The following ARSB variants were observed in gnomAD, a reference collection of about 807,000 sequenced individuals.
ARSB encodes N-acetylgalactosamine-4-sulfatase.
A neutral mutation model predicts 50.9 loss-of-function variants in ARSB; 41 were observed. The observed-to-expected ratio is 0.81, with a 90% CI of 0.63 to 1.04. The LOEUF (loss-of-function observed/expected upper bound fraction) is 1.04, where lower values mean the gene tolerates loss of function less well. Among genes scored for constraint, ARSB ranks in the 50% least tolerant of loss-of-function variants. The pLI is 0.00. For synonymous variants in ARSB, 269 were observed against 284.8 expected (o/e 0.94, Z 0.56); for missense variants, 672 against 693.3 (o/e 0.97, Z 0.35).
chr5:78,944,270 T>C (rs1343500628), intron 4 of ARSB, among the ~76,000 whole-genome samples: 2 of 152,252 alleles, frequency 1.3e-5, no homozygotes, highest in Non-Finnish European at 2.9e-5. Flanking sequence ...AGCCTTCTTC[T>C]CTCAACTCAT....
Position 78,969,909 on chromosome 5 carries a change from G to A in ARSB, c.313-717C>T, listed in dbSNP as rs545951774. ...GTTGGGATTACAGGCTTAAGCCACC[G>A]TGCCTGGCTGAGTTATTTAACAGTA... On this transcript the variant is annotated intron_variant, in intron 1 of 7. Transcript: ENST00000264914. 6.6e-5 allele frequency among the ~76,000 whole-genome samples: 10 copies of A among 152,284 alleles called. No homozygotes were observed. The South Asian group carries it at 1.0e-3, about 16-fold the overall frequency.
At position 78,919,556 on chromosome 5, in the gene ARSB, G is replaced by T. The variant is rs901738737; in HGVS notation, c.899-33729C>A. Among the ~76,000 whole-genome samples, 9 of 152,146 alleles carry T rather than the reference G, an allele frequency of 5.9e-5. No individual in the cohort carries two copies. In the South Asian group the frequency reaches 1.7e-3, roughly 28 times the overall value. ...CACCCAGGCTGGAGTGCAGTGGCAC[G>T]ATCTTGGCTCATTGCAACCTCCGCC... On this transcript the variant is annotated intron_variant, in intron 4 of 7. Transcript: ENST00000264914.
chr5:78,921,345 GTATAAAA>G (rs1749804611), intron 4 of ARSB, among the ~76,000 whole-genome samples: 1 of 152,020 alleles, frequency 6.6e-6, no homozygotes, highest in African/African-American at 2.4e-5. Flanking sequence ...TGTTCTGTAA[GTATAAAA>G]TACACAACAG....
intron 5 of ARSB, chr5:78,883,168 A>T (rs77259262): frequency 9.2e-5 from 14 of 152,224 alleles, no homozygotes; most frequent in Admixed American, 9.2e-4. Flanking sequence ...TAAATTTAAC[A>T]TATCAAGTTT....
At chr5:78,942,407 C>G (rs1030751134) in intron 4 of ARSB, among the ~76,000 whole-genome samples, 7 of 152,082 alleles carry the variant, frequency 4.6e-5, no homozygotes, top group Non-Finnish European at 7.3e-5. Flanking sequence ...CCTGCTTTCT[C>G]TCGTGGGCAT....
intron 4 of ARSB, among the ~76,000 whole-genome samples, chr5:78,943,914 C>T (rs552565454): frequency 2.6e-5 from 4 of 152,226 alleles, no homozygotes; most frequent in Non-Finnish European, 4.4e-5. Context: ...TTCAGGTACA[C>T]CAATCAGATG....
chr5:78,891,921 A>T (rs1748312319), intron 4 of ARSB, among the ~76,000 whole-genome samples: 1 of 150,746 alleles, frequency 6.6e-6, no homozygotes. Flanking sequence ...TTTCACTGAA[A>T]TGCAGGGAAC....
chr5:78,844,395 T>C (rs770836753), intron 5 of ARSB, among the ~76,000 whole-genome samples: 8 of 152,238 alleles, frequency 5.3e-5, no homozygotes, highest in Admixed American at 5.2e-4. Flanking sequence ...GCTACTTGTC[T>C]TTTTATGATT....
chr5:78,781,506 T>C (rs756253024), intron 7 of ARSB, among the ~76,000 whole-genome samples: 1 of 152,088 alleles, frequency 6.6e-6, no homozygotes, highest in Admixed American at 6.6e-5. Flanking sequence ...AGCTGTGTAA[T>C]TGGGAACAGG....
At chr5:78,863,799 G>A (rs987714987) in intron 5 of ARSB, among the ~76,000 whole-genome samples, 7 of 151,894 alleles carry the variant, frequency 4.6e-5, no homozygotes, top group Admixed American at 3.3e-4. Context: ...GTCTTTGCAT[G>A]CAGGGCTACT....
intron 4 of ARSB, among the ~76,000 whole-genome samples, chr5:78,896,830 C>T (rs1748585975): frequency 6.6e-6 from 1 of 151,846 alleles, no homozygotes; most frequent in African/African-American, 2.4e-5. Flanking sequence ...GCTCCTTTGT[C>T]CTGAAATGGA....
chr5:78,851,708 G>C (rs1239592456), intron 5 of ARSB, among the ~76,000 whole-genome samples: 2 of 152,114 alleles, frequency 1.3e-5, no homozygotes, highest in African/African-American at 4.8e-5. Flanking sequence ...TCTCTTTGTA[G>C]GTCACTCAGG....
At chr5:78,857,182 C>T (rs1407369881) in intron 5 of ARSB, among the ~76,000 whole-genome samples, 1 of 152,144 alleles carries the variant, frequency 6.6e-6, no homozygotes, top group African/African-American at 2.4e-5. Context: ...ATTCTTCTTG[C>T]TGGCAAGTGC....
At chr5:78,868,729 C>T (rs1379863131) in intron 5 of ARSB, among the ~76,000 whole-genome samples, 1 of 142,302 alleles carries the variant, frequency 7.0e-6, no homozygotes, top group Non-Finnish European at 1.5e-5. Flanking sequence ...TAAAGACCAT[C>T]GAGACTAGGA....
intron 5 of ARSB, among the ~76,000 whole-genome samples, chr5:78,861,853 T>A (rs1321943129): frequency 3.3e-5 from 5 of 152,174 alleles, no homozygotes; most frequent in Non-Finnish European, 7.3e-5. Flanking sequence ...TGATTGTATA[T>A]CTAGAAAACC....
At chr5:78,947,713 G>A (rs181986325) in intron 4 of ARSB, among the ~76,000 whole-genome samples, 118 of 152,262 alleles carry the variant, frequency 7.7e-4, no homozygotes, top group Non-Finnish European at 1.5e-3. Flanking sequence ...CCACTATGGA[G>A]AACAGTTTGG....
intron 5 of ARSB, among the ~76,000 whole-genome samples, chr5:78,840,229 T>A (rs1745143679): frequency 6.6e-6 from 1 of 152,150 alleles, no homozygotes; most frequent in African/African-American, 2.4e-5. Flanking sequence ...ACAATTTAAA[T>A]CATTGAGGGT....
chr5:78,955,900 A>T (rs1218173010), intron 3 of ARSB, among the ~76,000 whole-genome samples: 1 of 152,250 alleles, frequency 6.6e-6, no homozygotes, highest in African/African-American at 2.4e-5. Context: ...TGGTGAGGAT[A>T]TGGAGAAATT....
At chr5:78,867,081 C>A (rs1746799978) in intron 5 of ARSB, among the ~76,000 whole-genome samples, 1 of 152,156 alleles carries the variant, frequency 6.6e-6, no homozygotes, top group African/African-American at 2.4e-5. Context: ...AATCGGGTCA[C>A]TCCCACCCGA....
Sources: gnomAD v4.1 joint callset for allele counts (sites outside exome capture counted in the v4.1 genomes callset) on GRCh38, gnomAD v4.1.1 for gene constraint, MANE v1.5 for transcripts, NCBI Gene and HGNC (gene_info 2026-07-23, HGNC 2026-07-21) for gene names.